MGLL: variants seen among roughly 807,000 people sequenced by gnomAD.
The protein encoded by MGLL is lysophospholipase homolog.
MGLL carries 7 observed loss-of-function variants against 29.1 expected under a neutral mutation model. The ratio of observed to expected loss-of-function variants is 0.24; its 90% CI spans 0.14 to 0.45. MGLL has a LOEUF of 0.45. Ranked by LOEUF, MGLL falls within the 20% of genes least tolerant of loss-of-function variation. MGLL has a pLI of 0.99. For missense variants in MGLL, 356 were observed against 413.6 expected (o/e 0.86, Z 1.21); for synonymous variants, 148 against 168.3 (o/e 0.88, Z 0.93).
chr3:127,821,138 T>C (rs984695664), intron 2 of MGLL, among the ~76,000 whole-genome samples: 2 of 152,202 alleles, frequency 1.3e-5, no homozygotes, highest in South Asian at 2.1e-4. Context: ...AGCTGTCTTG[T>C]GTATAGTCCC....
chr3:127,815,747 T>G (rs1272314669), intron 2 of MGLL, among the ~76,000 whole-genome samples: 2 of 152,224 alleles, frequency 1.3e-5, no homozygotes, highest in East Asian at 3.8e-4. Flanking sequence ...CTCTGCCCAG[T>G]GGGCACCTCT....
At chr3:127,723,857 C>T (rs1455368817) in intron 3 of MGLL, among the ~76,000 whole-genome samples, 4 of 152,040 alleles carry the variant, frequency 2.6e-5, no homozygotes, top group African/African-American at 4.8e-5. Context: ...GCTCTAACCC[C>T]CAGGATCTCG....
At chr3:127,720,036 G>A (rs1312400123) in intron 5 of MGLL, among the ~76,000 whole-genome samples, 3 of 152,214 alleles carry the variant, frequency 2.0e-5, no homozygotes, top group African/African-American at 7.2e-5. Context: ...TGGGCTGAAG[G>A]AAACCCTTTG....
chr3:127,767,138 C>T (rs1266218371), intron 3 of MGLL, among the ~76,000 whole-genome samples: 8 of 134,450 alleles, frequency 6.0e-5, no homozygotes. Flanking sequence ...TTAAGGCTTA[C>T]CTTCCTCATA....
At chr3:127,822,813 T>A (rs974792166), upstream of MGLL, 1 of 164,274 alleles carries the variant, frequency 6.1e-6, no homozygotes, top group African/African-American at 2.4e-5. Context: ...CGGGTGGGCT[T>A]CGCCGGGTGT....
chr3:127,752,384 C>G (rs966332962), intron 3 of MGLL, among the ~76,000 whole-genome samples: 2 of 152,240 alleles, frequency 1.3e-5, no homozygotes, highest in Admixed American at 6.5e-5. Flanking sequence ...CAGGCATAAG[C>G]CATCACGCCC....
At chr3:127,802,162 CG>C (rs1275458277) in intron 2 of MGLL, among the ~76,000 whole-genome samples, 6 of 152,144 alleles carry the variant, frequency 3.9e-5, no homozygotes, top group Non-Finnish European at 7.4e-5. Flanking sequence ...AGGGGACATC[CG>C]CTCCATACCA....
rs1177618564 is a variant in MGLL, at chr3:127,740,569, G to T, written c.263-18003C>A. 3.9e-5 allele frequency among the ~76,000 whole-genome samples: 6 copies of T among 152,340 alleles called. No homozygotes were observed. In the East Asian group the frequency reaches 1.2e-3, roughly 29 times the overall value. On this transcript the variant is annotated intron_variant, in intron 3 of 7. Coordinates refer to ENST00000265052, the MANE Select transcript of MGLL (RefSeq NM_007283.7). ...AAAGGAAGGCAGGGGCTCTGCGGGG[G>T]CCCTGAGGTTCCAGTTCTGTGGGGG...
chr3:127,794,599 G>A (rs2077354378), intron 2 of MGLL, among the ~76,000 whole-genome samples: 1 of 152,064 alleles, frequency 6.6e-6, no homozygotes, highest in Non-Finnish European at 1.5e-5. Flanking sequence ...ACCGTCTTCT[G>A]TGATGTAAGG....
chr3:127,762,984 C>A lies in MGLL; in HGVS notation c.262+18805G>T, dbSNP rs575250939. On this transcript the variant is annotated intron_variant, in intron 3 of 7. Coordinates refer to ENST00000265052, the MANE Select transcript of MGLL (RefSeq NM_007283.7). Reference sequence around the variant, plus strand: ...TCCAGACTCTGCCTTCCCCCCATGGCAGCCTCCCCAGCTTTGCCCTTGATC... The same window carrying A: ...TCCAGACTCTGCCTTCCCCCCATGGAAGCCTCCCCAGCTTTGCCCTTGATC... Among the ~76,000 whole-genome samples the A allele has an allele frequency of 3.3e-5, 5 of 152,330 alleles. 1 individual carries two copies. In the South Asian group the frequency reaches 1.0e-3, roughly 32 times the overall value.
At chr3:127,753,590 T>C (rs1314634705) in intron 3 of MGLL, among the ~76,000 whole-genome samples, 2 of 152,224 alleles carry the variant, frequency 1.3e-5, no homozygotes, top group Non-Finnish European at 2.9e-5. Context: ...CGAATCAGCA[T>C]CAGGCACTCC....
At chr3:127,762,870 C>A (rs1310975449) in intron 3 of MGLL, among the ~76,000 whole-genome samples, 1 of 152,238 alleles carries the variant, frequency 6.6e-6, no homozygotes, top group Non-Finnish European at 1.5e-5. Flanking sequence ...TTATTACCAT[C>A]TCAACTTCAC....
intron 3 of MGLL, among the ~76,000 whole-genome samples, chr3:127,749,354 C>G (rs2076512758): frequency 6.6e-6 from 1 of 152,224 alleles, no homozygotes; most frequent in Non-Finnish European, 1.5e-5. Context: ...TAGCCAAGAT[C>G]TCCAAACAAA....
At chr3:127,814,837 G>A (rs775290816) in intron 2 of MGLL, among the ~76,000 whole-genome samples, 3 of 152,178 alleles carry the variant, frequency 2.0e-5, no homozygotes, top group South Asian at 2.1e-4. Context: ...AATTTGCTAC[G>A]CTATCACAAA....
chr3:127,753,856 C>T (rs1426564981), intron 3 of MGLL, among the ~76,000 whole-genome samples: 1 of 152,210 alleles, frequency 6.6e-6, no homozygotes, highest in African/African-American at 2.4e-5. Flanking sequence ...CAGGTCTCCA[C>T]CGGCCCTACA....
At chr3:127,696,200 C>T (rs1162916115) in intron 6 of MGLL, among the ~76,000 whole-genome samples, 1 of 152,146 alleles carries the variant, frequency 6.6e-6, no homozygotes, top group East Asian at 1.9e-4. Flanking sequence ...TGGATCTTGC[C>T]TTTCAAGGGG....
rs113003532 is a variant in MGLL, at chr3:127,739,936, T to C, written c.263-17370A>G. Reference sequence around the variant, plus strand: ...GAAGCACGTATAGAGACTCATAAAATGCAGGTGTGGGCCTGGGGCCAGACA... The same window carrying C: ...GAAGCACGTATAGAGACTCATAAAACGCAGGTGTGGGCCTGGGGCCAGACA... On this transcript the variant is annotated intron_variant, in intron 3 of 7. Transcript: ENST00000265052. Among the ~76,000 whole-genome samples the C allele has an allele frequency of 8.0e-3, 1,221 of 152,266 alleles. 15 individuals carry two copies. The highest frequency in any genetic ancestry group is 0.028 in the African/African-American group (1,145 of 41,556).
At chr3:127,735,605 C>T (rs557787524) in intron 3 of MGLL, 1 of 1,252,224 alleles carries the variant, frequency 8.0e-7, no homozygotes, top group Non-Finnish European at 1.1e-6. Flanking sequence ...AATAAAAAAG[C>T]AAGAGAATGA....
At chr3:127,800,177 TG>T (rs1185242489) in intron 2 of MGLL, among the ~76,000 whole-genome samples, 1 of 152,172 alleles carries the variant, frequency 6.6e-6, no homozygotes, top group Non-Finnish European at 1.5e-5. Context: ...TAAGTGGTGG[TG>T]GGGCAACAAG....
Sources: gnomAD v4.1 joint callset for allele counts (sites outside exome capture counted in the v4.1 genomes callset) on GRCh38, gnomAD v4.1.1 for gene constraint, MANE v1.5 for transcripts, NCBI Gene and HGNC (gene_info 2026-07-23, HGNC 2026-07-21) for gene names.